The following TBC1D30 variants were observed in gnomAD, a reference collection of about 807,000 sequenced individuals.
The protein encoded by TBC1D30 is TBC1 domain family member 30.
In TBC1D30, 31 loss-of-function variants were observed where a neutral mutation model predicts 63.2. The ratio of observed to expected loss-of-function variants is 0.49; its 90% CI spans 0.37 to 0.66. The LOEUF is 0.66. Ranked by LOEUF, TBC1D30 falls within the 30% of genes least tolerant of loss-of-function variation. The pLI, the probability that TBC1D30 is intolerant of heterozygous loss-of-function variation, is 0.00. For missense variants in TBC1D30, 810 were observed against 953.6 expected (o/e 0.85, Z 1.98); for synonymous variants, 307 against 361.5 (o/e 0.85, Z 1.71).
intron 5 of TBC1D30, 31 bp downstream of exon 5, chr12:64,832,335 A>C: frequency 5.3e-6 from 8 of 1,521,060 alleles, no homozygotes; most frequent in Non-Finnish European, 7.0e-6. Flanking sequence ...AAGGCCATGG[A>C]CATTCTTCTG....
Position 64,864,744 on chromosome 12 carries a change from C to T in TBC1D30, c.1115C>T (p.Pro372Leu), listed in dbSNP as rs565735014. ...GAAAAATACACCTACAACATTACAC[C>T]GTTCCCAGCCACAGTTAAACCCACC... ...LREKYTYNIT[P>L]FPATVKPTSV... Residue 372 changes from proline to leucine, a missense_variant, in exon 9 of 12, where the codon CCG (proline) becomes CTG (leucine). Coordinates refer to ENST00000539867, the MANE Select transcript of TBC1D30 (RefSeq NM_015279.2). 28 of 1,535,966 alleles carry T rather than the reference C, an allele frequency of 1.8e-5. No individual in the cohort carries two copies. The highest frequency in any genetic ancestry group is 1.7e-4 in the Middle Eastern group (1 of 5,990).
intron 11 of TBC1D30, among the ~76,000 whole-genome samples, chr12:64,871,309 A>C (rs1406534665): frequency 1.3e-5 from 2 of 152,260 alleles, no homozygotes; most frequent in Non-Finnish European, 2.9e-5. Flanking sequence ...TATACTAAGA[A>C]GAACACAATT....
Position 64,759,540 on chromosome 12 carries a change from G to GGGGCGGAGAACCGGAGAAAA in TBC1D30, c.-430_-411dup, listed in dbSNP as rs1275976175. The GGGGCGGAGAACCGGAGAAAA allele has an allele frequency of 2.7e-4, 122 of 458,054 alleles. 1 individual carries two copies. Among genetic ancestry groups the GGGGCGGAGAACCGGAGAAAA allele is most frequent in the Middle Eastern group, 1.1e-3 (2 of 1,790 alleles). The allele number at this position is 458,054 out of a possible 1,614,324, so 28.4% of individuals were successfully genotyped here. A position where few individuals can be genotyped will look rare whatever the true frequency, so the allele number is the denominator to read the frequency against. ...GGAGGCATCAGGCAGTGGCGGAAAAGGGGCGGAGAACCGGAGAAAAGGGCG... is the reference window on the plus strand; with the variant it reads ...GGAGGCATCAGGCAGTGGCGGAAAAGGGGCGGAGAACCGGAGAAAAGGGCGGAGAACCGGAGAAAAGGGCG... On this transcript the variant is annotated 5_prime_UTR_variant, in exon 1 of 14. Transcript: ENST00000674237.
intron 1 of TBC1D30, among the ~76,000 whole-genome samples, chr12:64,761,606 C>T (rs1870515541): frequency 6.6e-6 from 1 of 152,202 alleles, no homozygotes; most frequent in Non-Finnish European, 1.5e-5. Flanking sequence ...TAAATTCCCA[C>T]CCAGCGCCAT....
chr12:64,875,167 A>G lies in TBC1D30; in HGVS notation c.1665A>G (p.Glu555=). 1 of 1,536,350 alleles carries G rather than the reference A, an allele frequency of 6.5e-7. No individual in the cohort carries two copies. The highest frequency in any genetic ancestry group is 8.7e-7 in the Non-Finnish European group (1 of 1,146,906). Reference sequence around the variant, plus strand: ...GGAAAATATCTCCTGTCCCCTACGAAGACCTTAAGACGAAGCTCAACTCCC... The same window carrying G: ...GGAAAATATCTCCTGTCCCCTACGAGGACCTTAAGACGAAGCTCAACTCCC... The part of the protein sequence containing the change: ...TGGKISPVPY[E]DLKTKLNSPW... Residue 555 remains glutamate (E), a synonymous_variant, in exon 12 of 12, where the codon GAA becomes GAG. Transcript: ENST00000539867.
chr12:64,832,252 T>C lies in TBC1D30; in HGVS notation c.542T>C (p.Leu181Pro). 6.5e-7 allele frequency: 1 copy of C among 1,536,144 alleles called. No homozygotes were observed. Among genetic ancestry groups the C allele is most frequent in the Non-Finnish European group, 8.7e-7 (1 of 1,146,904 alleles). The change falls in exon 5 of 12, where the codon CTG (leucine) becomes CCG (proline). Residue 181 changes from leucine to proline, a missense_variant. By Grantham distance (98) the Leu-to-Pro change is moderately conservative. Transcript: ENST00000539867. ...GGGTACTGCCAAGGCTTTAACATCCTGGCTGCACTAATTCTGGAAGTGATG... is the reference window on the plus strand; with the variant it reads ...GGGTACTGCCAAGGCTTTAACATCCCGGCTGCACTAATTCTGGAAGTGATG... ...TVGYCQGFNI[L>P]AALILEVMEG...
At chr12:64,828,562 T>C in intron 3 of TBC1D30, 53 bp downstream of exon 3, 2 of 1,279,762 alleles carry the variant, frequency 1.6e-6, no homozygotes, top group Non-Finnish European at 2.2e-6. Flanking sequence ...TGCCCTTCTT[T>C]AGAGCCTCTG....
At chr12:64,821,086 TC>T (rs749674039), upstream of TBC1D30, among the ~76,000 whole-genome samples, 41 of 152,340 alleles carry the variant, frequency 2.7e-4, no homozygotes, top group Admixed American at 9.8e-4. Flanking sequence ...TAAAGAAGAA[TC>T]TAAAGAGAGG....
chr12:64,850,626 A>G (rs764366811), intron 8 of TBC1D30, among the ~76,000 whole-genome samples: 30 of 152,208 alleles, frequency 2.0e-4, no homozygotes, highest in Non-Finnish European at 3.7e-4. Flanking sequence ...GATAAGGCCA[A>G]CTTGACTGTG....
upstream of TBC1D30, among the ~76,000 whole-genome samples, chr12:64,778,552 T>TC (rs1169394166): frequency 7.2e-6 from 1 of 138,660 alleles, no homozygotes; most frequent in Non-Finnish European, 1.6e-5. Flanking sequence ...GAGAAGCCTT[T>TC]TTTTTTTTTT....
In TBC1D30 at chr12:64,878,689, CCCTTCTT is replaced by C. The variant is rs998810299; in HGVS notation, c.*2914_*2920del. On this transcript the variant is annotated 3_prime_UTR_variant, in exon 12 of 12. Transcript: ENST00000539867. ...GAACACTGTTGTGACAGTCCCTTCT[CCCTTCTT>C]CCTTCTTCCTTCACCCCCAACCCCA... The C allele has an allele frequency of 6.1e-5, 23 of 379,532 alleles. No homozygotes were observed. The highest frequency in any genetic ancestry group is 1.7e-4 in the African/African-American group (8 of 47,742). The allele number at this position is 379,532 out of a possible 1,614,324, so 23.5% of individuals were successfully genotyped here.
chr12:64,798,611 T>G (rs915085031), intron 2 of TBC1D30, among the ~76,000 whole-genome samples: 3 of 152,162 alleles, frequency 2.0e-5, no homozygotes, highest in Non-Finnish European at 4.4e-5. Context: ...TTGTAAAATT[T>G]AAAAACCTTG....
At chr12:64,798,408 A>G (rs942766715) in intron 2 of TBC1D30, among the ~76,000 whole-genome samples, 37 of 152,172 alleles carry the variant, frequency 2.4e-4, no homozygotes, top group Admixed American at 6.5e-5. Context: ...TCACTGTACC[A>G]GGTTTCAGCT....
chr12:64,799,913 T>A (rs1352659424), intron 2 of TBC1D30, among the ~76,000 whole-genome samples: 1 of 152,202 alleles, frequency 6.6e-6, no homozygotes, highest in African/African-American at 2.4e-5. Context: ...CAGACCAGCC[T>A]GGCCAACATG....
intron 8 of TBC1D30, among the ~76,000 whole-genome samples, chr12:64,853,370 C>T (rs749958569): frequency 3.3e-5 from 5 of 152,188 alleles, no homozygotes; most frequent in African/African-American, 4.8e-5. Context: ...AGGTTGACTT[C>T]AGACTGCTGT....
chr12:64,875,154 C>T lies in TBC1D30; in HGVS notation c.1652C>T (p.Pro551Leu), dbSNP rs1435320487. Reference sequence around the variant, plus strand: ...GGTCACACAGGAGGGAAAATATCTCCTGTCCCCTACGAAGACCTTAAGACG... The same window carrying T: ...GGTCACACAGGAGGGAAAATATCTCTTGTCCCCTACGAAGACCTTAAGACG... ...IPGHTGGKIS[P>L]VPYEDLKTKL... The change falls in exon 12 of 12, where the codon CCT becomes CTT. Residue 551 changes from proline (P) to leucine (L), a missense_variant. Pro to Leu is a moderately conservative substitution (Grantham distance 98, BLOSUM62 -3). Around this residue, in one of 4 missense-constraint regions of TBC1D30, gnomAD observed 450 missense variants for 473.0 expected, o/e 0.95. Transcript: ENST00000539867. The T allele has an allele frequency of 1.3e-6, 2 of 1,536,426 alleles. No homozygotes were observed. Among genetic ancestry groups the T allele is most frequent in the South Asian group, 2.4e-5 (2 of 84,066 alleles).
chr12:64,871,817 A>G (rs1025011174), intron 11 of TBC1D30, among the ~76,000 whole-genome samples: 5 of 152,226 alleles, frequency 3.3e-5, no homozygotes, highest in African/African-American at 1.2e-4. Flanking sequence ...ATATAGCTAT[A>G]GTGAGTGGTC....
intron 4 of TBC1D30, 123 bp from the exon 5 acceptor site, chr12:64,831,996 A>T: frequency 2.2e-6 from 2 of 925,434 alleles, no homozygotes; most frequent in Non-Finnish European, 3.0e-6. Context: ...ATAAAAACAT[A>T]CACATTTTAA....
intron 1 of TBC1D30, among the ~76,000 whole-genome samples, chr12:64,768,982 C>G (rs928315209): frequency 2.0e-5 from 3 of 151,982 alleles, no homozygotes; most frequent in African/African-American, 7.2e-5. Context: ...CGTGGCAAAA[C>G]CCCATCGCTA....
Sources: allele counts gnomAD v4.1 joint callset (sites outside exome capture counted in the v4.1 genomes callset), GRCh38; gene constraint gnomAD v4.1.1; regional missense constraint gnomAD v4.1.1; transcripts MANE v1.5; gene names NCBI Gene and HGNC (gene_info 2026-07-23, HGNC 2026-07-21).